Variants in ADCY9 observed in about 807,000 individuals in gnomAD.
ADCY9 encodes the protein adenylate cyclase type 9.
Under a neutral mutation model 101.5 loss-of-function variants are expected in ADCY9, and 50 were observed. That is an observed-to-expected ratio of 0.49 (90% confidence interval 0.39 to 0.62). The LOEUF is 0.62. Among genes scored for constraint, ADCY9 ranks in the 20% least tolerant of loss-of-function variants. The pLI is 0.00. For synonymous variants in ADCY9, 905 were observed against 769.3 expected (o/e 1.18, Z -2.92); for missense variants, 1,662 against 1,800.4 (o/e 0.92, Z 1.39).
At chr16:4,007,889 G>A (rs2056378043) in intron 2 of ADCY9, among the ~76,000 whole-genome samples, 1 of 152,136 alleles carries the variant, frequency 6.6e-6, no homozygotes, top group East Asian at 1.9e-4. Flanking sequence ...AGGCAGCAAA[G>A]CAGATTGGTT....
In ADCY9 at chr16:4,077,595, C is replaced by T. The variant is rs1047548968; in HGVS notation, c.1693+36155G>A. Among the ~76,000 whole-genome samples the T allele has an allele frequency of 3.3e-5, 5 of 152,064 alleles. No homozygotes were observed. The South Asian group carries it at 6.2e-4, about 19-fold the overall frequency. On this transcript the variant is annotated intron_variant, in intron 2 of 10. Transcript: ENST00000294016. ...AGCAGAGAATAGGCATATTTTTGGCCTTTACCTTTCAGTCCAATTTTTTAA... is the reference window on the plus strand; with the variant it reads ...AGCAGAGAATAGGCATATTTTTGGCTTTTACCTTTCAGTCCAATTTTTTAA...
At chr16:3,984,417 A>G (rs560028029) in intron 6 of ADCY9, among the ~76,000 whole-genome samples, 1 of 152,272 alleles carries the variant, frequency 6.6e-6, no homozygotes, top group Non-Finnish European at 1.5e-5. Flanking sequence ...ATTGAGGGGG[A>G]GAAATAACGA....
At chr16:4,069,667 C>T (rs1263328097) in intron 2 of ADCY9, among the ~76,000 whole-genome samples, 1 of 152,134 alleles carries the variant, frequency 6.6e-6, no homozygotes, top group African/African-American at 2.4e-5. Flanking sequence ...TCTCTTGTAT[C>T]TACAGGACCA....
intron 2 of ADCY9, among the ~76,000 whole-genome samples, chr16:4,078,562 G>GAAAAAAAA (rs796262600): frequency 1.5e-5 from 1 of 65,744 alleles, no homozygotes; most frequent in African/African-American, 4.7e-5. Flanking sequence ...CTCAAAAAAA[G>GAAAAAAAA]AAAAAAAAAA....
chr16:4,040,836 G>C (rs2141766715), intron 2 of ADCY9, among the ~76,000 whole-genome samples: 2 of 152,212 alleles, frequency 1.3e-5, no homozygotes, highest in East Asian at 3.9e-4. Context: ...TTCACCTATT[G>C]ACTGAACTGT....
At chr16:4,033,432 ATTTTTT>A (rs71133683) in intron 2 of ADCY9, among the ~76,000 whole-genome samples, 2 of 125,928 alleles carry the variant, frequency 1.6e-5, no homozygotes, top group Non-Finnish European at 1.7e-5. Flanking sequence ...CCTTGAAGTA[ATTTTTT>A]TTTTTTTTTT....
At position 4,114,445 on chromosome 16, in the gene ADCY9, A is replaced by G. The variant is rs1369534593; in HGVS notation, c.998T>C (p.Met333Thr). Residue 333 changes from methionine to threonine, a missense_variant, in exon 2 of 11, where the codon ATG becomes ACG. Physicochemically the swap from Met to Thr is moderately conservative, Grantham distance 81. Coordinates refer to ENST00000294016, the MANE Select transcript of ADCY9 (RefSeq NM_001116.4). The surrounding 1 kb of genome is among the most constrained non-coding windows in gnomAD (Gnocchi z 4.3). ...GATTCTTGGCATCACGGAATGAATC[A>G]TCCTCTCTTTGAGGGCTTTTTCCAC... ...LEVEKALKERMIHSVMPRIIA... is the reference protein window; with the variant it reads ...LEVEKALKERTIHSVMPRIIA... 6.2e-7 allele frequency: 1 copy of G among 1,614,172 alleles called. No homozygotes were observed. Among genetic ancestry groups the G allele is most frequent in the South Asian group, 1.1e-5 (1 of 91,078 alleles).
At chr16:4,027,889 AAAG>A (rs2056528536) in intron 2 of ADCY9, among the ~76,000 whole-genome samples, 1 of 151,976 alleles carries the variant, frequency 6.6e-6, no homozygotes, top group Non-Finnish European at 1.5e-5. Flanking sequence ...AAAAAAAAAA[AAAG>A]AAAAAAAACC....
chr16:3,967,042 G>C, intron 10 of ADCY9, 76 bp from the exon 11 acceptor site: 2 of 1,269,880 alleles, frequency 1.6e-6, no homozygotes, highest in South Asian at 1.4e-5. Flanking sequence ...CGCTAGCTAC[G>C]CAAAGCTTTG....
intron 2 of ADCY9, among the ~76,000 whole-genome samples, chr16:4,032,337 C>T (rs755717297): frequency 1.1e-4 from 16 of 151,742 alleles, no homozygotes; most frequent in Non-Finnish European, 1.8e-4. Flanking sequence ...AGAGCAGAGA[C>T]GGGACCACCA....
intron 2 of ADCY9, among the ~76,000 whole-genome samples, chr16:4,068,983 C>T (rs2056817064): frequency 6.6e-6 from 1 of 152,118 alleles, no homozygotes; most frequent in South Asian, 2.1e-4. Context: ...ACAAGAAAGA[C>T]AGTAACCAAG....
chr16:4,010,720 T>C (rs1352388876), intron 2 of ADCY9, among the ~76,000 whole-genome samples: 1 of 152,066 alleles, frequency 6.6e-6, no homozygotes, highest in Non-Finnish European at 1.5e-5. Flanking sequence ...GGAGGGGGCA[T>C]CTTGAGAAGC....
intron 2 of ADCY9, among the ~76,000 whole-genome samples, chr16:4,093,785 A>C (rs1056037940): frequency 1.3e-5 from 2 of 152,186 alleles, no homozygotes; most frequent in Non-Finnish European, 2.9e-5. Context: ...TAATTGTTTA[A>C]AAAATCAAAG....
chr16:4,075,181 A>ATC (rs1247127374), intron 2 of ADCY9, among the ~76,000 whole-genome samples: 1 of 151,360 alleles, frequency 6.6e-6, no homozygotes, highest in Non-Finnish European at 1.5e-5. Flanking sequence ...GTTACTATAT[A>ATC]TATATGGAGT....
chr16:4,091,481 A>T (rs2056973366), intron 2 of ADCY9, among the ~76,000 whole-genome samples: 1 of 152,220 alleles, frequency 6.6e-6, no homozygotes, highest in Non-Finnish European at 1.5e-5. Context: ...AACTGAGAAA[A>T]CAGATACTCA....
In ADCY9 at chr16:4,018,214, C is replaced by CTT. The variant is rs771932084; in HGVS notation, c.1694-10658_1694-10657dup. Among the ~76,000 whole-genome samples the CTT allele has an allele frequency of 9.2e-4, 130 of 141,360 alleles. 1 individual carries two copies. The highest frequency in any genetic ancestry group is 6.3e-3 in the East Asian group (31 of 4,888). 92.7% of individuals were successfully genotyped at this position (141,360 alleles called of 152,430 possible). ...GCTCTAAGTTGCGGAATATTCTTCT[C>CTT]TTTTTTTTTTTTTTTTTGAGATGGA... On this transcript the variant is annotated intron_variant, in intron 2 of 10. Transcript: ENST00000294016.
rs1203775670 is a variant in ADCY9 at position 4,056,976 on chromosome 16, G to A, written c.1694-49418C>T. ...TGCCAGGCCTGCCATGACACATGGC[G>A]AGTCCTAGCAGAGGTCAGACCAACA... On this transcript the variant is annotated intron_variant, in intron 2 of 10. Coordinates refer to ENST00000294016, the MANE Select transcript of ADCY9 (RefSeq NM_001116.4). 7.3e-5 allele frequency among the ~76,000 whole-genome samples: 11 copies of A among 149,800 alleles called. No individual in the cohort carries two copies. The East Asian group carries it at 1.7e-3, about 23-fold the overall frequency.
At chr16:3,985,652 TC>T (rs1243279630) in intron 6 of ADCY9, among the ~76,000 whole-genome samples, 2 of 152,054 alleles carry the variant, frequency 1.3e-5, no homozygotes, top group Admixed American at 1.3e-4. Context: ...AGCCCACACC[TC>T]CCACCTTCCA....
intron 3 of ADCY9, among the ~76,000 whole-genome samples, chr16:3,995,214 G>C (rs751040598): frequency 6.6e-6 from 1 of 152,158 alleles, no homozygotes; most frequent in Non-Finnish European, 1.5e-5. Context: ...GATGGCTTGA[G>C]TCCAGGAATT....
Sources: gnomAD v4.1 joint callset for allele counts (sites outside exome capture counted in the v4.1 genomes callset) on GRCh38, gnomAD v4.1.1 for gene constraint, Gnocchi (gnomAD v3.1) non-coding constraint, MANE v1.5 for transcripts, NCBI Gene and HGNC (gene_info 2026-07-23, HGNC 2026-07-21) for gene names.